Variants in BTBD7 observed in about 807,000 individuals in gnomAD.
BTBD7 encodes BTB domain containing 7.
Under a neutral mutation model 99.9 loss-of-function variants are expected in BTBD7, and 38 were observed. The ratio of observed to expected loss-of-function variants is 0.38; its 90% CI spans 0.29 to 0.50. BTBD7 has a LOEUF of 0.50. Among genes scored for constraint, BTBD7 ranks in the 20% least tolerant of loss-of-function variants. The pLI is 0.93. For synonymous variants in BTBD7, 520 were observed against 511.4 expected, an observed-to-expected ratio of 1.02 and a Z score of -0.23; for missense variants, 1,170 against 1,394.6, an observed-to-expected ratio of 0.84 and a Z score of 2.57.
Position 93,294,836 on chromosome 14 carries a change from C to G in BTBD7, c.184G>C (p.Gly62Arg). ...AACTTCTTTTTGAGGGTGGCAAGAC[C>G]AGAGGTTCTCTTTTTTTTGTCTTGT... ...KPQDKKKRTS[G>R]LATLKKKFIK... Residue 62 changes from glycine to arginine, a missense_variant, in exon 3 of 11, where the codon GGT (glycine) becomes CGT (arginine). Physicochemically the swap from Gly to Arg is moderately radical, Grantham distance 125 (BLOSUM62 -2). This residue lies in a region of BTBD7 where 359 missense variants were observed against 497.9 expected (regional missense o/e 0.72). Coordinates refer to ENST00000334746, the MANE Select transcript of BTBD7 (RefSeq NM_001002860.4). The G allele has an allele frequency of 6.2e-7, 1 of 1,613,964 alleles. No individual in the cohort carries two copies. The highest frequency in any genetic ancestry group is 8.5e-7 in the Non-Finnish European group (1 of 1,180,018).
At chr14:93,301,142 G>A (rs1340994670) in intron 1 of BTBD7, among the ~76,000 whole-genome samples, 3 of 151,786 alleles carry the variant, frequency 2.0e-5, no homozygotes, top group Non-Finnish European at 4.4e-5. Flanking sequence ...ACTGCTTGAG[G>A]CCAGGAGTTA....
intron 3 of BTBD7, among the ~76,000 whole-genome samples, chr14:93,272,889 G>A (rs941657622): frequency 1.3e-5 from 2 of 152,162 alleles, no homozygotes; most frequent in Non-Finnish European, 2.9e-5. Flanking sequence ...GTCTGCAGTG[G>A]TGATCAGCTC....
chr14:93,288,619 T>C lies in BTBD7; in HGVS notation c.1162+5239A>G, dbSNP rs780038549. ...GCTTTCCTCAAATGTCCAGTTATCC[T>C]TGGATGGGTTTTCATATTTAAGATT... On this transcript the variant is annotated intron_variant, in intron 3 of 10. Transcript: ENST00000334746. The C allele has an allele frequency of 4.5e-6, 5 of 1,101,276 alleles. No homozygotes were observed. The South Asian group carries it at 6.2e-5, about 14-fold the overall frequency. The allele number at this position is 1,101,276 out of a possible 1,614,324, so 68.2% of individuals were successfully genotyped here.
intron 3 of BTBD7, among the ~76,000 whole-genome samples, chr14:93,284,486 T>A (rs974614579): frequency 6.6e-6 from 1 of 151,758 alleles, no homozygotes; most frequent in African/African-American, 2.4e-5. Context: ...AAAAGGTTAC[T>A]CAGCTTTCAA....
At chr14:93,308,117 A>G (rs959214820) in intron 1 of BTBD7, among the ~76,000 whole-genome samples, 1 of 152,002 alleles carries the variant, frequency 6.6e-6, no homozygotes, top group Non-Finnish European at 1.5e-5. Context: ...ACACAGTGAA[A>G]CCCCGTCTCT....
At chr14:93,250,795 C>T (rs1457016322) in intron 8 of BTBD7, among the ~76,000 whole-genome samples, 2 of 152,142 alleles carry the variant, frequency 1.3e-5, no homozygotes, top group African/African-American at 4.8e-5. Context: ...AAGACATAAA[C>T]CTGTGCTACA....
At chr14:93,276,820 G>C (rs2052660764) in intron 3 of BTBD7, among the ~76,000 whole-genome samples, 1 of 151,040 alleles carries the variant, frequency 6.6e-6, no homozygotes, top group South Asian at 2.1e-4. Context: ...TAACTTAGTA[G>C]AGGAAGCTAA....
intron 1 of BTBD7, among the ~76,000 whole-genome samples, chr14:93,316,824 T>C (rs2053212331): frequency 6.6e-6 from 1 of 152,050 alleles, no homozygotes; most frequent in South Asian, 2.1e-4. Context: ...ACTGAGAAAA[T>C]GCCCATGTAA....
intron 1 of BTBD7, among the ~76,000 whole-genome samples, chr14:93,320,187 T>C (rs1189824575): frequency 2.6e-5 from 4 of 152,004 alleles, no homozygotes; most frequent in Non-Finnish European, 5.9e-5. Context: ...GAGGGGAAGA[T>C]ATTAAAACAA....
intron 1 of BTBD7, among the ~76,000 whole-genome samples, chr14:93,308,859 A>G (rs2053104063): frequency 6.6e-6 from 1 of 152,244 alleles, no homozygotes; most frequent in Non-Finnish European, 1.5e-5. Context: ...AGTGTTCAGT[A>G]AGCACAAAGT....
chr14:93,302,483 G>C (rs907215245), intron 1 of BTBD7, among the ~76,000 whole-genome samples: 3 of 152,148 alleles, frequency 2.0e-5, no homozygotes, highest in Non-Finnish European at 4.4e-5. Flanking sequence ...CAGGCAAAGT[G>C]GGATGAATGG....
At chr14:93,309,397 T>C (rs1413665269) in intron 1 of BTBD7, among the ~76,000 whole-genome samples, 96 of 131,514 alleles carry the variant, frequency 7.3e-4, no homozygotes, top group Admixed American at 2.1e-3. Context: ...GCAAAACTCC[T>C]CTGTCTCCAA....
At chr14:93,315,858 T>C (rs1208656556) in intron 1 of BTBD7, among the ~76,000 whole-genome samples, 1 of 152,214 alleles carries the variant, frequency 6.6e-6, no homozygotes, top group African/African-American at 2.4e-5. Context: ...CACTTTTTGG[T>C]TATTATGAAT....
intron 3 of BTBD7, among the ~76,000 whole-genome samples, chr14:93,272,049 T>C (rs1277114129): frequency 6.6e-6 from 1 of 151,914 alleles, no homozygotes; most frequent in Non-Finnish European, 1.5e-5. Context: ...GCGGGCGCAG[T>C]GGCTCATGCC....
intron 1 of BTBD7, among the ~76,000 whole-genome samples, chr14:93,313,679 TACACACACACAC>T (rs57711099): frequency 0.012 from 1,793 of 145,518 alleles, 32 homozygotes; most frequent in African/African-American, 0.04. Flanking sequence ...AAAATGAAAC[TACACACACACAC>T]ACACACACAC....
chr14:93,252,523 GTT>G (rs34105100), intron 7 of BTBD7, among the ~76,000 whole-genome samples: 2 of 142,454 alleles, frequency 1.4e-5, no homozygotes, highest in Non-Finnish European at 1.5e-5. Context: ...CGCCTGGCTA[GTT>G]TTTTTTTTTT....
intron 3 of BTBD7, among the ~76,000 whole-genome samples, chr14:93,271,840 T>C (rs1053856632): frequency 4.0e-5 from 6 of 151,656 alleles, no homozygotes; most frequent in Non-Finnish European, 8.8e-5. Context: ...ACCTTGTCTC[T>C]ACAAAAAATA....
At position 93,293,924 on chromosome 14, in the gene BTBD7, T is replaced by C; in HGVS notation, c.1096A>G (p.Arg366Gly). Residue 366 changes from arginine (R) to glycine (G), a missense_variant, in exon 3 of 11, where the codon AGG (arginine) becomes GGG (glycine). Physicochemically the swap from Arg to Gly is moderately radical, Grantham distance 125. This residue lies in a region of BTBD7 where 359 missense variants were observed against 497.9 expected (regional missense o/e 0.72). Coordinates refer to ENST00000334746, the MANE Select transcript of BTBD7 (RefSeq NM_001002860.4). Reference sequence around the variant, plus strand: ...TAAAGTTCCATGGCTTCTTCTGCCCTGGTCATGTTTGGCTTCCCTGCGACG... The same window carrying C: ...TAAAGTTCCATGGCTTCTTCTGCCCCGGTCATGTTTGGCTTCCCTGCGACG... ...ALVAGKPNMT[R>G]AEEAMELYHI... 1 of 1,613,766 alleles carries C rather than the reference T, an allele frequency of 6.2e-7. No individual in the cohort carries two copies. The highest frequency in any genetic ancestry group is 1.1e-5 in the South Asian group (1 of 91,064).
At position 93,330,509 on chromosome 14, in the gene BTBD7, C is replaced by T. The variant is rs2053389796; in HGVS notation, c.-107+2311G>A. Among the ~76,000 whole-genome samples, 4 of 152,308 alleles carry T rather than the reference C, an allele frequency of 2.6e-5. No homozygotes were observed. In the South Asian group the frequency reaches 8.3e-4, roughly 32 times the overall value. On this transcript the variant is annotated intron_variant, in intron 1 of 10. Coordinates refer to ENST00000334746, the MANE Select transcript of BTBD7 (RefSeq NM_001002860.4). The stretch of plus-strand genomic sequence containing the variant: ...CTCTCTCTACCCTGTATACCAACAG[C>T]ATTCTTTGCATTAGTAGAACTCACT...
Sources: gnomAD v4.1 joint callset for allele counts (sites outside exome capture counted in the v4.1 genomes callset) on GRCh38, gnomAD v4.1.1 for gene constraint, gnomAD v4.1.1 regional missense constraint, MANE v1.5 for transcripts, NCBI Gene and HGNC (gene_info 2026-07-23, HGNC 2026-07-21) for gene names.